The following PTPN13 variants were observed in gnomAD, a reference collection of about 807,000 sequenced individuals.
The protein encoded by PTPN13 is protein tyrosine phosphatase non-receptor type 13.
A neutral mutation model predicts 284.0 loss-of-function variants in PTPN13; 191 were observed. That is an observed-to-expected ratio of 0.67 (90% confidence interval 0.60 to 0.76). The LOEUF (loss-of-function observed/expected upper bound fraction) is 0.76. PTPN13 is among the 30% of genes least tolerant of loss of function. PTPN13 has a pLI of 0.00. For missense variants in PTPN13, 2,797 were observed against 2,939.9 expected (o/e 0.95, Z 1.12); for synonymous variants, 986 against 1,022.3 (o/e 0.96, Z 0.68).
At chr4:86,753,938 T>C (rs925452172) in intron 20 of PTPN13, among the ~76,000 whole-genome samples, 5 of 152,094 alleles carry the variant, frequency 3.3e-5, no homozygotes, top group African/African-American at 7.2e-5. Context: ...TTAGTTTCAA[T>C]ATTCCTGTAG....
intron 2 of PTPN13, among the ~76,000 whole-genome samples, chr4:86,662,460 T>C (rs1201077759): frequency 6.6e-6 from 1 of 152,054 alleles, no homozygotes; most frequent in African/African-American, 2.4e-5. Context: ...GCCTCCCAAA[T>C]ACCTGGAACT....
intron 40 of PTPN13, among the ~76,000 whole-genome samples, chr4:86,790,603 A>G (rs1742507943): frequency 6.6e-6 from 1 of 152,210 alleles, no homozygotes; most frequent in Admixed American, 6.5e-5. Context: ...GATAGAAAAC[A>G]TCTTCAGGAG....
At chr4:86,767,713 G>C in intron 27 of PTPN13, 104 bp from the exon 28 acceptor site, 1 of 896,786 alleles carries the variant, frequency 1.1e-6, no homozygotes, top group Non-Finnish European at 1.5e-6. Context: ...AAATTTGGTA[G>C]TTACTTTAAA....
intron 46 of PTPN13, among the ~76,000 whole-genome samples, chr4:86,810,574 G>T (rs1052393231): frequency 3.3e-5 from 5 of 151,984 alleles, no homozygotes; most frequent in African/African-American, 1.2e-4. Context: ...GTCTTAAAAA[G>T]AATTTTAGTT....
chr4:86,613,709 G>A (rs530692876), intron 1 of PTPN13, among the ~76,000 whole-genome samples: 96 of 151,582 alleles, frequency 6.3e-4, no homozygotes, highest in East Asian at 3.5e-3. Context: ...GCCAGCTAAA[G>A]GTCAACCTTG....
intron 41 of PTPN13, 44 bp downstream of exon 41, chr4:86,796,973 C>A: frequency 1.8e-6 from 2 of 1,133,936 alleles, no homozygotes; most frequent in South Asian, 1.4e-5. Flanking sequence ...TTCTGTCTAT[C>A]TATAAATGCT....
At chr4:86,721,169 C>T (rs189736322) in intron 9 of PTPN13, among the ~76,000 whole-genome samples, 75 of 151,460 alleles carry the variant, frequency 5.0e-4, no homozygotes, top group Admixed American at 5.9e-4. Flanking sequence ...TATTTTGCTA[C>T]CTTTTAGTAG....
chr4:86,615,282 TG>T (rs1156576884), intron 1 of PTPN13, among the ~76,000 whole-genome samples: 6 of 152,134 alleles, frequency 3.9e-5, no homozygotes, highest in Non-Finnish European at 7.4e-5. Flanking sequence ...TAATAAAACC[TG>T]ACAAGTCATT....
chr4:86,768,122 A>G (rs567313357), intron 28 of PTPN13, 146 bp downstream of exon 28: 4 of 709,534 alleles, frequency 5.6e-6, no homozygotes, highest in Non-Finnish European at 9.0e-6. Flanking sequence ...ATCACACCAT[A>G]CTGAATAAAG....
At chr4:86,799,340 T>G in intron 42 of PTPN13, 136 bp downstream of exon 42, 1 of 530,548 alleles carries the variant, frequency 1.9e-6, no homozygotes, top group Non-Finnish European at 3.1e-6. Context: ...TTTTCTTTTT[T>G]TGAGACAGAG....
chr4:86,653,949 A>G (rs12500955), intron 2 of PTPN13, among the ~76,000 whole-genome samples: 21,547 of 152,210 alleles, frequency 0.14, 1,909 homozygotes, highest in East Asian at 0.24. Flanking sequence ...AAAGTTTAAC[A>G]TATCAAAACT....
At chr4:86,638,418 A>G (rs745441218) in intron 2 of PTPN13, among the ~76,000 whole-genome samples, 1 of 152,222 alleles carries the variant, frequency 6.6e-6, no homozygotes, top group Non-Finnish European at 1.5e-5. Flanking sequence ...ACGCTACCTG[A>G]CTTCAAACTA....
At chr4:86,613,688 A>G (rs1477396456) in intron 1 of PTPN13, among the ~76,000 whole-genome samples, 1 of 152,070 alleles carries the variant, frequency 6.6e-6, no homozygotes, top group Non-Finnish European at 1.5e-5. Flanking sequence ...CTGAAATCAA[A>G]GTTCTCAGAT....
At chr4:86,739,276 A>G (rs969768827) in intron 15 of PTPN13, among the ~76,000 whole-genome samples, 2 of 152,178 alleles carry the variant, frequency 1.3e-5, no homozygotes, top group Admixed American at 6.5e-5. Context: ...CTACATTGAT[A>G]TAGTGTGTTA....
intron 40 of PTPN13, among the ~76,000 whole-genome samples, chr4:86,791,212 GTCCCAAGCCCACGGA>G (rs1457416844): frequency 1.3e-5 from 2 of 152,226 alleles, no homozygotes; most frequent in African/African-American, 4.8e-5. Flanking sequence ...GGCTCAGCGG[GTCCCAAGCCCACGGA>G]GCCTTGCTCA....
chr4:86,600,587 A>C (rs1158199691), intron 1 of PTPN13, among the ~76,000 whole-genome samples: 5 of 151,788 alleles, frequency 3.3e-5, no homozygotes, highest in Non-Finnish European at 5.9e-5. Flanking sequence ...GTTGTAATAG[A>C]GTCTGTGGAA....
intron 1 of PTPN13, among the ~76,000 whole-genome samples, chr4:86,618,834 CAATG>C (rs1565157513): frequency 6.6e-6 from 1 of 152,136 alleles, no homozygotes; most frequent in African/African-American, 2.4e-5. Flanking sequence ...TGGGCTGAGA[CAATG>C]GGGTTTTCTA....
In PTPN13 at chr4:86,728,165, C is replaced by A. The variant is rs1167082462; in HGVS notation, c.1609-4235C>A. ...AATCCCGAGCTCTAATTTGATTGCA[C>A]TGTAGTCTGAGAGACCGTTTGTTGT... On this transcript the variant is annotated intron_variant, in intron 10 of 47. Coordinates refer to ENST00000411767, the MANE Select transcript of PTPN13 (RefSeq NM_080683.3). 1.3e-5 allele frequency among the ~76,000 whole-genome samples: 2 copies of A among 149,778 alleles called. 1 individual carries two copies. Among genetic ancestry groups the A allele is most frequent in the Admixed American group, 1.3e-4 (2 of 14,944 alleles).
intron 3 of PTPN13, among the ~76,000 whole-genome samples, chr4:86,684,148 A>T (rs887352075): frequency 1.3e-5 from 2 of 152,178 alleles, no homozygotes; most frequent in African/African-American, 4.8e-5. Flanking sequence ...ACAAGGACTC[A>T]TCTAACTATA....
Sources: allele counts gnomAD v4.1 joint callset (sites outside exome capture counted in the v4.1 genomes callset), GRCh38; gene constraint gnomAD v4.1.1; transcripts MANE v1.5; gene names NCBI Gene and HGNC (gene_info 2026-07-23, HGNC 2026-07-21).